The following FRMD5 variants were observed in gnomAD, a reference collection of about 807,000 sequenced individuals.
The protein encoded by FRMD5 is FERM domain-containing protein 5.
In FRMD5, 20 loss-of-function variants were observed where a neutral mutation model predicts 69.0. That is an observed-to-expected ratio of 0.29 (90% CI 0.20 to 0.42). FRMD5 has a LOEUF of 0.42. FRMD5 is among the 10% of genes least tolerant of loss of function. The pLI is 1.00. For missense variants in FRMD5, 595 were observed against 708.6 expected (o/e 0.84, Z 1.82); for synonymous variants, 271 against 260.1 (o/e 1.04, Z -0.40).
At chr15:43,967,926 C>A (rs2090319696) in intron 1 of FRMD5, among the ~76,000 whole-genome samples, 1 of 151,720 alleles carries the variant, frequency 6.6e-6, no homozygotes, top group Admixed American at 6.6e-5. Flanking sequence ...TTGCCCCCAA[C>A]CCCTCGACAG....
intron 1 of FRMD5, among the ~76,000 whole-genome samples, chr15:44,170,009 CCTT>C: frequency 6.6e-6 from 1 of 152,206 alleles, no homozygotes; most frequent in East Asian, 1.9e-4. Flanking sequence ...ATAAATTGCT[CCTT>C]CTTATTTTTA....
intron 1 of FRMD5, 86 bp from the exon 2 acceptor site, chr15:43,924,395 G>A (rs2089547076): frequency 2.2e-6 from 2 of 904,720 alleles, no homozygotes; most frequent in Non-Finnish European, 3.6e-6. Context: ...AAAGTTGTTT[G>A]TAACTGTTGC....
At chr15:44,161,229 T>A (rs1298422151) in intron 1 of FRMD5, among the ~76,000 whole-genome samples, 1 of 152,136 alleles carries the variant, frequency 6.6e-6, no homozygotes, top group African/African-American at 2.4e-5. Context: ...CCCAACCAAC[T>A]CCTACTTATT....
chr15:43,891,709 C>T (rs2088796676), intron 8 of FRMD5, among the ~76,000 whole-genome samples: 2 of 152,196 alleles, frequency 1.3e-5, no homozygotes, highest in African/African-American at 4.8e-5. Flanking sequence ...CTAACACTGG[C>T]TCCAGCCCCA....
At chr15:43,885,075 T>C (rs2088630714) in intron 11 of FRMD5, 2 of 378,476 alleles carry the variant, frequency 5.3e-6, no homozygotes, top group Non-Finnish European at 9.6e-6. Context: ...TCCAATTACA[T>C]CACAAAAAAA....
intron 1 of FRMD5, chr15:43,989,617 G>A (rs1270286174): frequency 3.5e-6 from 3 of 863,668 alleles, no homozygotes; most frequent in South Asian, 1.3e-5. Flanking sequence ...GGACCTTCAT[G>A]AGGTAGTCAG....
chr15:44,012,336 G>A (rs571408398), intron 1 of FRMD5, among the ~76,000 whole-genome samples: 1 of 152,286 alleles, frequency 6.6e-6, no homozygotes, highest in South Asian at 2.1e-4. Context: ...ACACTCTGCA[G>A]ATATTCTTTT....
At position 43,873,951 on chromosome 15, in the gene FRMD5, A is replaced by G. The variant is rs1470589462; in HGVS notation, c.1647T>C (p.Phe549=). ...AGGCAAACCATCGCCTGAGGGGACAAAAGTATTGATAGTGGAATTGTTCAA... is the reference window on the plus strand; with the variant it reads ...AGGCAAACCATCGCCTGAGGGGACAGAAGTATTGATAGTGGAATTGTTCAA... ...PEFEQFHYQY[F]CPLRRWFACK... is the part of the protein sequence containing the mutation. Residue 549 remains phenylalanine, a synonymous_variant, in exon 14 of 14, where the codon TTT becomes TTC. Transcript: ENST00000417257. 10 of 1,614,110 alleles carry G rather than the reference A, an allele frequency of 6.2e-6. No individual in the cohort carries two copies. The highest frequency in any genetic ancestry group is 8.5e-6 in the Non-Finnish European group (10 of 1,180,048).
rs140159206 is a variant in FRMD5, at chr15:43,886,683, C to T, written c.885-928G>A. 4.6e-5 allele frequency among the ~76,000 whole-genome samples: 7 copies of T among 152,330 alleles called. No homozygotes were observed. The East Asian group carries it at 1.4e-3, about 29-fold the overall frequency. On this transcript the variant is annotated intron_variant, in intron 10 of 13. Coordinates refer to ENST00000417257, the MANE Select transcript of FRMD5 (RefSeq NM_032892.5). The stretch of plus-strand genomic sequence containing the variant: ...ATCCATGAACAGTTCTTGGGAGACA[C>T]CATCCCTGCCCGTCTCAGGGCTCCA...
chr15:43,931,364 T>TTC (rs2089671806), intron 1 of FRMD5, among the ~76,000 whole-genome samples: 1 of 152,012 alleles, frequency 6.6e-6, no homozygotes, highest in African/African-American at 2.4e-5. Context: ...CATATTCTCT[T>TTC]TCTCTATTCT....
At chr15:43,914,788 C>T (rs1012494273) in intron 4 of FRMD5, among the ~76,000 whole-genome samples, 2 of 135,488 alleles carry the variant, frequency 1.5e-5, no homozygotes. Context: ...TGCAGTAGTG[C>T]AATCTCGGCT....
chr15:44,196,658 C>G (rs1002219426), upstream of FRMD5, among the ~76,000 whole-genome samples: 1 of 149,120 alleles, frequency 6.7e-6, no homozygotes, highest in Non-Finnish European at 1.5e-5. Context: ...TGCTTCTTCC[C>G]TAGTGTCTTT....
At chr15:44,179,402 T>C (rs138934895) in intron 1 of FRMD5, among the ~76,000 whole-genome samples, 1 of 152,360 alleles carries the variant, frequency 6.6e-6, no homozygotes, top group East Asian at 1.9e-4. Context: ...CACTATTCCA[T>C]TATAATTGAC....
intron 1 of FRMD5, among the ~76,000 whole-genome samples, chr15:44,105,578 A>C (rs1405633649): frequency 6.6e-6 from 1 of 152,184 alleles, no homozygotes; most frequent in Non-Finnish European, 1.5e-5. Flanking sequence ...GGTGGCAATA[A>C]AAATGATGCA....
At chr15:43,995,476 G>A (rs1010065281) in intron 1 of FRMD5, among the ~76,000 whole-genome samples, 5 of 152,076 alleles carry the variant, frequency 3.3e-5, no homozygotes, top group Non-Finnish European at 7.4e-5. Context: ...GAGCTGGCCT[G>A]GAGCATGGGT....
intron 1 of FRMD5, among the ~76,000 whole-genome samples, chr15:44,009,555 T>C (rs1187541934): frequency 6.6e-6 from 1 of 152,138 alleles, no homozygotes; most frequent in Non-Finnish European, 1.5e-5. Flanking sequence ...GGCACACACC[T>C]GTAGTCCCAG....
chr15:43,984,266 A>G (rs1889276972), intron 1 of FRMD5, among the ~76,000 whole-genome samples: 1 of 152,220 alleles, frequency 6.6e-6, no homozygotes, highest in Non-Finnish European at 1.5e-5. Context: ...TATCTTATGC[A>G]AATAGAAAAA....
At chr15:44,149,578 T>C (rs1217322643) in intron 1 of FRMD5, among the ~76,000 whole-genome samples, 1 of 152,060 alleles carries the variant, frequency 6.6e-6, no homozygotes, top group African/African-American at 2.4e-5. Context: ...GATGTAAAAA[T>C]ATATAGTCAC....
chr15:44,172,941 T>C (rs1014027972), intron 1 of FRMD5, among the ~76,000 whole-genome samples: 1 of 152,214 alleles, frequency 6.6e-6, no homozygotes, highest in Admixed American at 6.5e-5. Flanking sequence ...GTCTCCTGTG[T>C]CTGCAGTTAC....
Sources: gnomAD v4.1 joint callset for allele counts (sites outside exome capture counted in the v4.1 genomes callset) on GRCh38, gnomAD v4.1.1 for gene constraint, MANE v1.5 for transcripts, NCBI Gene and HGNC (gene_info 2026-07-23, HGNC 2026-07-21) for gene names.